Variants in ERBB4 observed in about 807,000 individuals in gnomAD.
ERBB4 encodes the protein erb-b2 receptor tyrosine kinase 4, also known as receptor tyrosine-protein kinase erbB-4.
Under a neutral mutation model 158.0 loss-of-function variants are expected in ERBB4, and 42 were observed. That is an observed-to-expected ratio of 0.27 (90% CI 0.21 to 0.34). ERBB4 has a LOEUF of 0.34. ERBB4 is among the 10% of genes least tolerant of loss of function. The pLI, the probability that ERBB4 is intolerant of heterozygous loss-of-function variation, is 1.00. For synonymous variants in ERBB4, 583 were observed against 558.7 expected (o/e 1.04, Z -0.61); for missense variants, 1,333 against 1,624.1 (o/e 0.82, Z 3.08).
At chr2:212,381,195 G>T (rs12994366) in intron 1 of ERBB4, among the ~76,000 whole-genome samples, 28,458 of 150,922 alleles carry the variant, frequency 0.19, 2,868 homozygotes, top group South Asian at 0.25. Context: ...CCTAATTAAT[G>T]CAAAATTACC....
At chr2:211,562,568 T>A (rs1210652721) in intron 19 of ERBB4, among the ~76,000 whole-genome samples, 1 of 152,160 alleles carries the variant, frequency 6.6e-6, no homozygotes, top group Non-Finnish European at 1.5e-5. Flanking sequence ...CATGTATAAA[T>A]CGTAAATATG....
chr2:211,606,011 A>G (rs1224194509), intron 19 of ERBB4, among the ~76,000 whole-genome samples: 1 of 152,040 alleles, frequency 6.6e-6, no homozygotes, highest in Non-Finnish European at 1.5e-5. Context: ...TGAAAAATGG[A>G]ACTGCCCACT....
At chr2:211,983,226 G>A (rs924868059) in intron 2 of ERBB4, among the ~76,000 whole-genome samples, 1 of 152,162 alleles carries the variant, frequency 6.6e-6, no homozygotes, top group African/African-American at 2.4e-5. Context: ...GGCATGGATG[G>A]AGGCAGAGGC....
intron 12 of ERBB4, among the ~76,000 whole-genome samples, chr2:211,688,549 C>CT (rs780295184): frequency 6.6e-6 from 1 of 152,080 alleles, no homozygotes. Context: ...CTATTTTGTC[C>CT]TTTTTTTGAT....
chr2:212,179,178 G>C (rs1476839230), intron 1 of ERBB4, among the ~76,000 whole-genome samples: 1 of 151,604 alleles, frequency 6.6e-6, no homozygotes, highest in East Asian at 1.9e-4. Flanking sequence ...CAAAATATCA[G>C]GGTTGTGAAA....
chr2:212,244,727 T>G (rs144588239), intron 1 of ERBB4, among the ~76,000 whole-genome samples: 2 of 152,172 alleles, frequency 1.3e-5, no homozygotes, highest in Non-Finnish European at 2.9e-5. Context: ...ATTTTATCTA[T>G]CTTCTACAGT....
At chr2:211,798,166 C>G (rs895038464) in intron 3 of ERBB4, among the ~76,000 whole-genome samples, 4 of 151,944 alleles carry the variant, frequency 2.6e-5, no homozygotes, top group Non-Finnish European at 2.9e-5. Flanking sequence ...GCATAGAAGT[C>G]AGCATAGAAA....
chr2:211,433,046 G>A (rs1289411390), intron 20 of ERBB4, among the ~76,000 whole-genome samples: 2 of 152,198 alleles, frequency 1.3e-5, no homozygotes, highest in African/African-American at 4.8e-5. Context: ...ATTGGACAGA[G>A]TGAGGGTAAA....
chr2:211,602,002 TAA>T (rs766975572), intron 19 of ERBB4, among the ~76,000 whole-genome samples: 6 of 152,162 alleles, frequency 3.9e-5, no homozygotes, highest in Non-Finnish European at 8.8e-5. Context: ...ATATCTTCTT[TAA>T]AGAGGGCATT....
At chr2:212,180,237 T>C (rs746952399) in intron 1 of ERBB4, among the ~76,000 whole-genome samples, 7 of 151,866 alleles carry the variant, frequency 4.6e-5, no homozygotes, top group Non-Finnish European at 8.9e-5. Context: ...TTATTTATTC[T>C]TGCCCAACTG....
At chr2:211,652,418 G>A (rs1041417165) in intron 16 of ERBB4, among the ~76,000 whole-genome samples, 10 of 152,102 alleles carry the variant, frequency 6.6e-5, no homozygotes, top group African/African-American at 1.7e-4. Flanking sequence ...ACTCATCTAA[G>A]GTAACGATCT....
At chr2:211,392,602 C>CACACA (rs1559122679) in intron 25 of ERBB4, among the ~76,000 whole-genome samples, 2 of 121,760 alleles carry the variant, frequency 1.6e-5, no homozygotes, top group Non-Finnish European at 3.6e-5. Flanking sequence ...ACACACACAC[C>CACACA]CCAATAATGA....
intron 1 of ERBB4, among the ~76,000 whole-genome samples, chr2:212,200,713 A>C (rs2082564340): frequency 6.6e-6 from 1 of 152,214 alleles, no homozygotes; most frequent in African/African-American, 2.4e-5. Flanking sequence ...AACAGAATTC[A>C]AAAATGATTA....
At chr2:212,515,563 AC>A (rs111850427) in intron 1 of ERBB4, among the ~76,000 whole-genome samples, 3,170 of 152,096 alleles carry the variant, frequency 0.021, 104 homozygotes, top group African/African-American at 0.072. Flanking sequence ...AATTCTTAAG[AC>A]TACTATATCC....
At chr2:212,121,326 G>T (rs1481326861) in intron 2 of ERBB4, among the ~76,000 whole-genome samples, 1 of 152,114 alleles carries the variant, frequency 6.6e-6, no homozygotes, top group Non-Finnish European at 1.5e-5. Flanking sequence ...CCACCTCCTG[G>T]ATTCTCCTTC....
chr2:212,295,032 C>A (rs1005485563), intron 1 of ERBB4, among the ~76,000 whole-genome samples: 1 of 152,060 alleles, frequency 6.6e-6, no homozygotes, highest in Non-Finnish European at 1.5e-5. Flanking sequence ...GGAGAACCAG[C>A]TGGCCAAGGC....
At chr2:211,661,277 A>G (rs917215535) in intron 15 of ERBB4, among the ~76,000 whole-genome samples, 5 of 152,232 alleles carry the variant, frequency 3.3e-5, no homozygotes, top group African/African-American at 1.2e-4. Context: ...TCTGTAAGCA[A>G]CTAATTAGTA....
chr2:212,390,878 T>C, intron 1 of ERBB4, among the ~76,000 whole-genome samples: 1 of 151,892 alleles, frequency 6.6e-6, no homozygotes, highest in South Asian at 2.1e-4. Context: ...ATAGCACAGT[T>C]TTATTGTGAA....
intron 25 of ERBB4, among the ~76,000 whole-genome samples, chr2:211,389,026 T>C (rs1184534932): frequency 6.6e-6 from 1 of 151,644 alleles, no homozygotes. Flanking sequence ...ATACCTTACA[T>C]CTTGTTTGTT....
Sources: gnomAD v4.1 joint callset for allele counts (sites outside exome capture counted in the v4.1 genomes callset) on GRCh38, gnomAD v4.1.1 for gene constraint, MANE v1.5 for transcripts, NCBI Gene and HGNC (gene_info 2026-07-23, HGNC 2026-07-21) for gene names.